WWC2: variants seen among roughly 807,000 people sequenced by gnomAD.
WWC2 encodes WW and C2 domain containing 2.
A neutral mutation model predicts 138.5 loss-of-function variants in WWC2; 101 were observed. That is an observed-to-expected ratio of 0.73 (90% CI 0.62 to 0.86). WWC2 has a LOEUF of 0.86. Among genes scored for constraint, WWC2 ranks in the 40% least tolerant of loss-of-function variants. The pLI, the probability that WWC2 is intolerant of heterozygous loss-of-function variation, is 0.00. For missense variants in WWC2, 1,420 were observed against 1,419.4 expected (o/e 1.00, Z -0.01); for synonymous variants, 558 against 538.4 (o/e 1.04, Z -0.50).
chr4:183,100,393 T>C (rs1188831234), intron 1 of WWC2, among the ~76,000 whole-genome samples: 1 of 152,270 alleles, frequency 6.6e-6, no homozygotes, highest in Non-Finnish European at 1.5e-5. Context: ...AACTGAAGGT[T>C]CACAAATGTT....
intron 9 of WWC2, among the ~76,000 whole-genome samples, chr4:183,255,892 A>G (rs57625396): frequency 3.9e-5 from 5 of 128,876 alleles, no homozygotes; most frequent in African/African-American, 2.1e-4. Flanking sequence ...TTTTTTTTTT[A>G]ACGAACAGCC....
At chr4:183,265,293 G>A (rs1383299758) in intron 12 of WWC2, among the ~76,000 whole-genome samples, 186 bp downstream of exon 12, 1 of 152,186 alleles carries the variant, frequency 6.6e-6, no homozygotes, top group Non-Finnish European at 1.5e-5. Flanking sequence ...GGAAATTATC[G>A]ATAAACAGAT....
chr4:183,312,492 C>T (rs1380710768), intron 22 of WWC2, 24 bp downstream of exon 22: 1 of 1,612,394 alleles, frequency 6.2e-7, no homozygotes, highest in East Asian at 2.2e-5. Flanking sequence ...TCCAGGACAG[C>T]TTTTGGGTTG....
At chr4:183,121,878 TG>T (rs1409039391) in intron 1 of WWC2, among the ~76,000 whole-genome samples, 1 of 150,298 alleles carries the variant, frequency 6.7e-6, no homozygotes, top group African/African-American at 2.4e-5. Context: ...CTTCGCCTCC[TG>T]GGTGCACACC....
intron 4 of WWC2, among the ~76,000 whole-genome samples, chr4:183,220,650 C>A (rs562640809): frequency 9.2e-5 from 14 of 151,488 alleles, no homozygotes; most frequent in African/African-American, 3.1e-4. Flanking sequence ...CTGGCTAACA[C>A]AGTGAAACGC....
At chr4:183,207,044 G>T (rs1174682201) in intron 2 of WWC2, among the ~76,000 whole-genome samples, 1 of 152,224 alleles carries the variant, frequency 6.6e-6, no homozygotes. Flanking sequence ...TGCAGATGAG[G>T]TGGCTGGGGC....
chr4:183,189,876 T>C (rs1250048808), intron 1 of WWC2, among the ~76,000 whole-genome samples: 1 of 152,188 alleles, frequency 6.6e-6, no homozygotes, highest in Non-Finnish European at 1.5e-5. Context: ...CATGTAATTG[T>C]GAAGTGAACA....
At chr4:183,188,540 T>C (rs1734883707) in intron 1 of WWC2, among the ~76,000 whole-genome samples, 1 of 152,122 alleles carries the variant, frequency 6.6e-6, no homozygotes, top group South Asian at 2.1e-4. Context: ...ACGTGGCCCA[T>C]TGTGACCTAT....
intron 21 of WWC2, among the ~76,000 whole-genome samples, chr4:183,302,372 A>C (rs994232216): frequency 3.3e-5 from 5 of 152,060 alleles, no homozygotes; most frequent in African/African-American, 1.2e-4. Flanking sequence ...ATTTCCTTCT[A>C]ATGTTTCTAA....
intron 1 of WWC2, among the ~76,000 whole-genome samples, chr4:183,105,208 T>C (rs1036613092): frequency 6.6e-6 from 1 of 152,204 alleles, no homozygotes; most frequent in Admixed American, 6.5e-5. Flanking sequence ...ATGTTATTTG[T>C]TTTGAGCTGC....
At chr4:183,179,215 C>T (rs187104254) in intron 1 of WWC2, among the ~76,000 whole-genome samples, 12 of 152,202 alleles carry the variant, frequency 7.9e-5, no homozygotes, top group African/African-American at 2.4e-4. Flanking sequence ...CATACTGCCC[C>T]GGTGGTCGTG....
chr4:183,261,933 C>G (rs969456275), intron 11 of WWC2, among the ~76,000 whole-genome samples: 1 of 152,116 alleles, frequency 6.6e-6, no homozygotes, highest in African/African-American at 2.4e-5. Flanking sequence ...CTAATTAGTA[C>G]CAAGGTTCAG....
Position 183,271,136 on chromosome 4 carries a change from A to C in WWC2, c.2457A>C (p.Leu819=). ...CATTTTCCAGTGAGGTTTTCACTCT[A>C]TGGTATAACTTGCTTCCTTCCAAGC... The part of the protein sequence containing the change: ...DLPFSSEVFT[L]WYNLLPSKQM... The change falls in exon 16 of 23, where the codon CTA becomes CTC. Residue 819 remains leucine (L), a synonymous_variant. Transcript: ENST00000403733. 1 of 1,612,626 alleles carries C rather than the reference A, an allele frequency of 6.2e-7. No homozygotes were observed. Among genetic ancestry groups the C allele is most frequent in the Non-Finnish European group, 8.5e-7 (1 of 1,179,332 alleles).
chr4:183,251,159 A>G (rs1736966630), intron 8 of WWC2, among the ~76,000 whole-genome samples: 2 of 152,214 alleles, frequency 1.3e-5, no homozygotes, highest in African/African-American at 4.8e-5. Flanking sequence ...AGGTTAGGGA[A>G]AAATGTTTAG....
At chr4:183,221,699 CTAAA>C in intron 4 of WWC2, among the ~76,000 whole-genome samples, 1 of 152,198 alleles carries the variant, frequency 6.6e-6, no homozygotes, top group Non-Finnish European at 1.5e-5. Flanking sequence ...ATATTTTGAA[CTAAA>C]TAAAAGGGAA....
Position 183,099,264 on chromosome 4 carries a change from C to A in WWC2, c.-228C>A. The A allele has an allele frequency of 4.1e-6, 1 of 244,234 alleles. No individual in the cohort carries two copies. The highest frequency in any genetic ancestry group is 7.4e-6 in the Non-Finnish European group (1 of 135,416). 15.1% of individuals were successfully genotyped at this position (244,234 alleles called of 1,614,324 possible). A position where few individuals can be genotyped will look rare whatever the true frequency, so the allele number is the denominator to read the frequency against. ...CGGCGGCGAGGGGGAGGAGGGTTCG[C>A]TCGCCGGCTCCGACGCAGACATGGT... On this transcript the variant is annotated 5_prime_UTR_variant, in exon 1 of 23. Transcript: ENST00000403733.
At chr4:183,245,291 G>A (rs1266810236) in intron 5 of WWC2, 125 bp from the exon 6 acceptor site, 2 of 706,666 alleles carry the variant, frequency 2.8e-6, no homozygotes. Flanking sequence ...GATGATTGCT[G>A]GTATATGACA....
At chr4:183,149,915 A>G (rs1733592177) in intron 1 of WWC2, among the ~76,000 whole-genome samples, 1 of 152,192 alleles carries the variant, frequency 6.6e-6, no homozygotes, top group Non-Finnish European at 1.5e-5. Flanking sequence ...AAACATTTCT[A>G]TAAACTGGGG....
intron 8 of WWC2, among the ~76,000 whole-genome samples, chr4:183,250,845 A>G (rs948540639): frequency 1.3e-5 from 2 of 152,234 alleles, no homozygotes; most frequent in Non-Finnish European, 2.9e-5. Context: ...TGAAAAGCTC[A>G]GCTGAGAACC....
Sources: allele counts gnomAD v4.1 joint callset (sites outside exome capture counted in the v4.1 genomes callset), GRCh38; gene constraint gnomAD v4.1.1; transcripts MANE v1.5; gene names NCBI Gene and HGNC (gene_info 2026-07-23, HGNC 2026-07-21).